The following ZCCHC7 variants were observed in gnomAD, a reference collection of about 807,000 sequenced individuals.
ZCCHC7 encodes zinc finger CCHC domain-containing protein 7.
In ZCCHC7, 35 loss-of-function variants were observed where a neutral mutation model predicts 52.0. The ratio of observed to expected loss-of-function variants is 0.67; its 90% CI spans 0.51 to 0.89. ZCCHC7 has a LOEUF of 0.89. ZCCHC7 is among the 40% of genes least tolerant of loss of function. ZCCHC7 has a pLI of 0.00. For synonymous variants in ZCCHC7, 217 were observed against 221.5 expected (o/e 0.98, Z 0.18); for missense variants, 574 against 649.1 (o/e 0.88, Z 1.26).
intron 2 of ZCCHC7, among the ~76,000 whole-genome samples, chr9:37,240,279 AT>A (rs925263688): frequency 4.7e-4 from 72 of 152,096 alleles, no homozygotes; most frequent in African/African-American, 1.5e-3. Context: ...CTCAGTATAT[AT>A]TTTTGGCTTT....
At chr9:37,155,311 C>T (rs1564145798) in intron 2 of ZCCHC7, among the ~76,000 whole-genome samples, 1 of 151,942 alleles carries the variant, frequency 6.6e-6, no homozygotes, top group Non-Finnish European at 1.5e-5. Context: ...CAGTGAGCCA[C>T]CACTGCACTC....
intron 2 of ZCCHC7, among the ~76,000 whole-genome samples, chr9:37,285,291 T>TA (rs2133590818): frequency 6.6e-6 from 1 of 152,320 alleles, no homozygotes; most frequent in African/African-American, 2.4e-5. Flanking sequence ...GTTTAATACA[T>TA]AATTACTCAA....
At chr9:37,240,555 TAA>T (rs1195146586) in intron 2 of ZCCHC7, among the ~76,000 whole-genome samples, 1 of 151,944 alleles carries the variant, frequency 6.6e-6, no homozygotes, top group Non-Finnish European at 1.5e-5. Context: ...TATTGATGTT[TAA>T]AAAGTTTGTG....
chr9:37,123,373 A>G (rs1488490883), intron 1 of ZCCHC7, among the ~76,000 whole-genome samples: 2 of 152,208 alleles, frequency 1.3e-5, no homozygotes, highest in Non-Finnish European at 2.9e-5. Flanking sequence ...TAAACTACCT[A>G]AATAAGAGAG....
intron 4 of ZCCHC7, among the ~76,000 whole-genome samples, chr9:37,304,726 G>A (rs1829221727): frequency 6.6e-6 from 1 of 151,880 alleles, no homozygotes; most frequent in Non-Finnish European, 1.5e-5. Flanking sequence ...TAGTATGTGT[G>A]TTAAATTTCA....
intron 2 of ZCCHC7, among the ~76,000 whole-genome samples, chr9:37,139,011 CCTT>C (rs1213585668): frequency 6.6e-6 from 1 of 151,706 alleles, no homozygotes; most frequent in Non-Finnish European, 1.5e-5. Flanking sequence ...CATTATTTCC[CCTT>C]CTTAGAGTAG....
chr9:37,240,229 C>T (rs917817015), intron 2 of ZCCHC7, among the ~76,000 whole-genome samples: 14 of 151,794 alleles, frequency 9.2e-5, no homozygotes, highest in Admixed American at 7.9e-4. Context: ...GATTGGTGTT[C>T]GTTTTTTGTT....
chr9:37,301,830 C>T (rs1413269890), intron 2 of ZCCHC7, among the ~76,000 whole-genome samples: 3 of 152,126 alleles, frequency 2.0e-5, no homozygotes, highest in Non-Finnish European at 4.4e-5. Context: ...CATTCTGCAT[C>T]TGCTGTTGTA....
chr9:37,259,976 C>T (rs536234881), intron 2 of ZCCHC7, among the ~76,000 whole-genome samples: 2 of 152,294 alleles, frequency 1.3e-5, no homozygotes, highest in African/African-American at 4.8e-5. Flanking sequence ...TTCAATTTCT[C>T]TTTCTAAAGC....
intron 2 of ZCCHC7, among the ~76,000 whole-genome samples, chr9:37,189,471 C>G (rs1372040950): frequency 6.6e-6 from 1 of 152,186 alleles, no homozygotes; most frequent in African/African-American, 2.4e-5. Flanking sequence ...ACTGCAACCT[C>G]TGCTTCCTGG....
At chr9:37,186,184 A>T (rs1296210359) in intron 2 of ZCCHC7, among the ~76,000 whole-genome samples, 6 of 152,180 alleles carry the variant, frequency 3.9e-5, no homozygotes, top group Non-Finnish European at 8.8e-5. Flanking sequence ...ACATGAGTGT[A>T]TGATTATGTT....
chr9:37,308,399 C>T (rs1322183569), intron 5 of ZCCHC7, among the ~76,000 whole-genome samples: 1 of 151,556 alleles, frequency 6.6e-6, no homozygotes, highest in Non-Finnish European at 1.5e-5. Flanking sequence ...TCTTATTTGC[C>T]TGTGATAAAG....
intron 2 of ZCCHC7, among the ~76,000 whole-genome samples, chr9:37,289,316 A>AT (rs1828415410): frequency 6.6e-6 from 1 of 151,514 alleles, no homozygotes; most frequent in Non-Finnish European, 1.5e-5. Context: ...CACCTGGCTA[A>AT]TTTTTTGTAT....
chr9:37,321,722 C>T (rs74701892), intron 5 of ZCCHC7, among the ~76,000 whole-genome samples: 7,727 of 152,176 alleles, frequency 0.051, 644 homozygotes, highest in African/African-American at 0.17. Context: ...GCTATGATTA[C>T]ACCACTGCAT....
At chr9:37,136,228 C>G (rs1015251260) in intron 2 of ZCCHC7, among the ~76,000 whole-genome samples, 1 of 151,966 alleles carries the variant, frequency 6.6e-6, no homozygotes, top group Non-Finnish European at 1.5e-5. Context: ...CTTTGGGTAA[C>G]TTAATTTCTT....
chr9:37,154,207 C>T (rs916517027), intron 2 of ZCCHC7, among the ~76,000 whole-genome samples: 9 of 152,108 alleles, frequency 5.9e-5, no homozygotes, highest in Admixed American at 3.3e-4. Context: ...ATCTTGATTA[C>T]TCTTGAGAGT....
chr9:37,331,494 T>A (rs984102680), intron 6 of ZCCHC7, among the ~76,000 whole-genome samples: 1 of 151,566 alleles, frequency 6.6e-6, no homozygotes, highest in African/African-American at 2.4e-5. Flanking sequence ...CCCCTAAATG[T>A]CAACAGATTT....
intron 2 of ZCCHC7, among the ~76,000 whole-genome samples, chr9:37,210,890 G>T (rs191853637): frequency 3.5e-3 from 531 of 152,248 alleles, no homozygotes; most frequent in Non-Finnish European, 5.9e-3. Context: ...CACTCCATTT[G>T]TCTGGTCAGA....
chr9:37,349,533 A>G lies in ZCCHC7; in HGVS notation c.1083+81A>G. 2.3e-6 allele frequency: 3 copies of G among 1,285,360 alleles called. 1 individual carries two copies. The East Asian group carries it at 7.3e-5, about 31-fold the overall frequency. The allele number at this position is 1,285,360 out of a possible 1,614,324, so 79.6% of individuals were successfully genotyped here. ...GAAAGATGAACTCAAAAAGAATGTA[A>G]CTCTAAATACTTACTTTTTAATAAA... On this transcript the variant is annotated intron_variant, in intron 7 of 8. Transcript: ENST00000336755.
Sources: allele counts gnomAD v4.1 joint callset (sites outside exome capture counted in the v4.1 genomes callset), GRCh38; gene constraint gnomAD v4.1.1; transcripts MANE v1.5; gene names NCBI Gene and HGNC (gene_info 2026-07-23, HGNC 2026-07-21).